PTPN14: variants seen among roughly 807,000 people sequenced by gnomAD.
PTPN14 encodes protein tyrosine phosphatase non-receptor type 14.
PTPN14 carries 53 observed loss-of-function variants against 126.8 expected under a neutral mutation model. That is an observed-to-expected ratio of 0.42 (90% confidence interval 0.34 to 0.53). PTPN14 has a LOEUF of 0.53. PTPN14 is among the 20% of genes least tolerant of loss of function. The probability of loss-of-function intolerance (pLI) is 0.08; values close to 1 mark genes in which losing one functional copy is unlikely to be tolerated. For synonymous variants in PTPN14, 630 were observed against 599.3 expected (o/e 1.05, Z -0.75); for missense variants, 1,257 against 1,552.9 (o/e 0.81, Z 3.20).
At chr1:214,404,020 T>A (rs1337468454) in intron 5 of PTPN14, among the ~76,000 whole-genome samples, 1 of 152,182 alleles carries the variant, frequency 6.6e-6, no homozygotes, top group African/African-American at 2.4e-5. Flanking sequence ...GGGACTGATG[T>A]TTTGGCAGAA....
chr1:214,397,781 C>G (rs1558084864), intron 8 of PTPN14, 132 bp downstream of exon 8: 1 of 693,100 alleles, frequency 1.4e-6, no homozygotes, highest in Non-Finnish European at 2.4e-6. Flanking sequence ...AGAGGGCTCA[C>G]CTTATATGAG....
At chr1:214,502,176 G>C (rs372428960) in intron 1 of PTPN14, among the ~76,000 whole-genome samples, 3 of 150,682 alleles carry the variant, frequency 2.0e-5, no homozygotes, top group East Asian at 2.0e-4. Flanking sequence ...CTCTCATAAA[G>C]ATTTTTCATC....
At chr1:214,442,309 G>A (rs914353123) in intron 3 of PTPN14, among the ~76,000 whole-genome samples, 4 of 152,154 alleles carry the variant, frequency 2.6e-5, no homozygotes, top group East Asian at 1.9e-4. Context: ...ATGCTTCAAC[G>A]AGCATTTCCT....
chr1:214,402,841 C>T (rs368497370), intron 6 of PTPN14, 42 bp downstream of exon 6: 1 of 1,599,980 alleles, frequency 6.3e-7, no homozygotes, highest in South Asian at 1.1e-5. Flanking sequence ...GGGCTGTAAA[C>T]ATCTGTTGTG....
Position 214,384,742 on chromosome 1 carries a change from G to T in PTPN14, c.1113C>A (p.His371Gln). Residue 371 changes from histidine to glutamine, a missense_variant, in exon 13 of 19, where the codon CAC (histidine) becomes CAA (glutamine). This residue lies in a region of PTPN14 where 1,021 missense variants were observed against 1,183.3 expected (regional missense o/e 0.86). Coordinates refer to ENST00000366956, the MANE Select transcript of PTPN14 (RefSeq NM_005401.5). This position sits in a 1 kb window ranked among gnomAD's most constrained non-coding sequence, Gnocchi z 5.3. ...TTAAATAATTTAAGTCCAGGCTGTT[G>T]TGAGAGTTGCAATACAAGGCTTCTT... is the stretch of plus-strand genomic sequence containing the variant. ...GNEEALYCNSHNSLDLNYLNG... is the reference protein window; with the variant it reads ...GNEEALYCNSQNSLDLNYLNG... The T allele has an allele frequency of 1.2e-6, 2 of 1,614,098 alleles. No homozygotes were observed. Among genetic ancestry groups the T allele is most frequent in the Non-Finnish European group, 8.5e-7 (1 of 1,180,028 alleles).
At chr1:214,530,038 T>C (rs897721986) in intron 1 of PTPN14, 5 of 152,210 alleles carry the variant, frequency 3.3e-5, no homozygotes, top group Non-Finnish European at 7.3e-5. Flanking sequence ...AGATACCTCA[T>C]AGATGCAGGT....
chr1:214,365,742 T>C (rs1168478850), intron 17 of PTPN14, among the ~76,000 whole-genome samples: 1 of 152,212 alleles, frequency 6.6e-6, no homozygotes, highest in African/African-American at 2.4e-5. Context: ...TGAAGTGCTT[T>C]ACCAAAAAAC....
At position 214,465,951 on chromosome 1, in the gene PTPN14, CTTTTTTT is replaced by C. The variant is rs71165974; in HGVS notation, c.-154-1001_-154-995del. 1.4e-4 allele frequency among the ~76,000 whole-genome samples: 8 copies of C among 59,026 alleles called. 1 individual carries two copies. Among genetic ancestry groups the C allele is most frequent in the African/African-American group, 5.5e-4 (8 of 14,446 alleles). The allele number at this position is 59,026 out of a possible 152,430, so 38.7% of individuals were successfully genotyped here. ...TGCATTTAATATAATCAGTTACTTCCTTTTTTTTTTTTTTTTTTTTGTGAAGACGGAG... is the reference window on the plus strand; with the variant it reads ...TGCATTTAATATAATCAGTTACTTCCTTTTTTTTTTTTTGTGAAGACGGAG... On this transcript the variant is annotated intron_variant, in intron 1 of 18. Coordinates refer to ENST00000366956, the MANE Select transcript of PTPN14 (RefSeq NM_005401.5).
In PTPN14 at chr1:214,551,228, G is replaced by C. The variant is rs1451915661; in HGVS notation, c.-200C>G. On this transcript the variant is annotated 5_prime_UTR_variant, in exon 1 of 19. Coordinates refer to ENST00000366956, the MANE Select transcript of PTPN14 (RefSeq NM_005401.5). ...GCGCCCCGGAGTCCCGCGCGGAAAG[G>C]CTGTCCTTCGCGGCGGCGGAGCCGA... is the stretch of plus-strand genomic sequence containing the variant. 1 of 152,440 alleles carries C rather than the reference G, an allele frequency of 6.6e-6. No homozygotes were observed. The highest frequency in any genetic ancestry group is 1.5e-5 in the Non-Finnish European group (1 of 68,200). 9.4% of individuals were successfully genotyped at this position (152,440 alleles called of 1,614,324 possible). A position where few individuals can be genotyped will look rare whatever the true frequency, so the allele number is the denominator to read the frequency against.
intron 2 of PTPN14, among the ~76,000 whole-genome samples, chr1:214,461,082 C>A (rs1345599702): frequency 6.6e-6 from 1 of 151,986 alleles, no homozygotes; most frequent in Non-Finnish European, 1.5e-5. Flanking sequence ...TCTGTACCTT[C>A]CTCTCAATTT....
intron 1 of PTPN14, among the ~76,000 whole-genome samples, chr1:214,486,844 A>G (rs1038826595): frequency 6.6e-6 from 1 of 152,232 alleles, no homozygotes; most frequent in African/African-American, 2.4e-5. Flanking sequence ...AAAACATGCC[A>G]AAGTTCTCAG....
intron 7 of PTPN14, 76 bp downstream of exon 7, chr1:214,401,609 T>G (rs1347963930): frequency 7.7e-7 from 1 of 1,291,080 alleles, no homozygotes; most frequent in African/African-American, 1.5e-5. Flanking sequence ...TCTGGCCCAC[T>G]GCTATCAACA....
At position 214,369,796 on chromosome 1, in the gene PTPN14, G is replaced by A. The variant is rs555872883; in HGVS notation, c.3037-105C>T. 90 of 1,000,418 alleles carry A rather than the reference G, an allele frequency of 9.0e-5. 1 individual carries two copies. In the Middle Eastern group the frequency reaches 9.3e-4, roughly 10 times the overall value. The allele number at this position is 1,000,418 out of a possible 1,614,324, so 62.0% of individuals were successfully genotyped here. ...AGAAAATGCAAATAGCTTCTAAATC[G>A]CTAGTTCAGTAGCACTCTGCAGTGT... On this transcript the variant is annotated intron_variant, in intron 16 of 18. Coordinates refer to ENST00000366956, the MANE Select transcript of PTPN14 (RefSeq NM_005401.5).
intron 3 of PTPN14, among the ~76,000 whole-genome samples, chr1:214,450,198 G>A (rs920908870): frequency 1.3e-5 from 2 of 150,298 alleles, no homozygotes; most frequent in Non-Finnish European, 3.0e-5. Context: ...GAGGCCGGGC[G>A]CAGTGGCTCA....
At chr1:214,530,221 A>T (rs541234426) in intron 1 of PTPN14, 47 of 152,328 alleles carry the variant, frequency 3.1e-4, no homozygotes, top group African/African-American at 1.0e-3. Flanking sequence ...AGTATTAGGG[A>T]GTGAACATGG....
chr1:214,464,413 C>G (rs1441911750), intron 2 of PTPN14, among the ~76,000 whole-genome samples: 1 of 152,154 alleles, frequency 6.6e-6, no homozygotes. Context: ...ACCTGCCACG[C>G]CATGCAGCTC....
At chr1:214,488,476 G>C (rs1011165277) in intron 1 of PTPN14, among the ~76,000 whole-genome samples, 1 of 152,118 alleles carries the variant, frequency 6.6e-6, no homozygotes, top group Non-Finnish European at 1.5e-5. Flanking sequence ...CATCTAAGCA[G>C]GGCAATATCA....
chr1:214,404,105 A>G (rs1460784935), intron 5 of PTPN14, among the ~76,000 whole-genome samples: 2 of 152,262 alleles, frequency 1.3e-5, no homozygotes, highest in African/African-American at 2.4e-5. Flanking sequence ...TTAACTTTAC[A>G]TGGATGAAAA....
chr1:214,484,868 G>A (rs10494979), intron 1 of PTPN14, among the ~76,000 whole-genome samples: 53,752 of 152,024 alleles, frequency 0.35, 10,023 homozygotes, highest in Non-Finnish European at 0.42. Flanking sequence ...TATCTGAAAA[G>A]GTTGGACAAT....
Sources: gnomAD v4.1 joint callset for allele counts (sites outside exome capture counted in the v4.1 genomes callset) on GRCh38, gnomAD v4.1.1 for gene constraint, gnomAD v4.1.1 regional missense constraint, Gnocchi (gnomAD v3.1) non-coding constraint, MANE v1.5 for transcripts, NCBI Gene and HGNC (gene_info 2026-07-23, HGNC 2026-07-21) for gene names.